The following BBIP1 variants were observed in gnomAD, a reference collection of about 807,000 sequenced individuals.
The protein encoded by BBIP1 is BBSome interacting protein 1.
In BBIP1, 6 loss-of-function variants were observed where a neutral mutation model predicts 8.9. The ratio of observed to expected loss-of-function variants is 0.67; its 90% CI spans 0.37 to 1.33. The LOEUF is 1.33. Among genes scored for constraint, BBIP1 ranks in the 40% most tolerant of loss-of-function variants. The probability of loss-of-function intolerance (pLI) is 0.02; values close to 1 mark genes in which losing one functional copy is unlikely to be tolerated. For synonymous variants in BBIP1, 32 were observed against 33.4 expected, an observed-to-expected ratio of 0.96 and a Z score of 0.14; for missense variants, 111 against 109.2, an observed-to-expected ratio of 1.02 and a Z score of -0.07.
intron 3 of BBIP1, 199 bp downstream of exon 3, chr10:110,901,339 T>C: frequency 1.8e-6 from 1 of 566,696 alleles, no homozygotes; most frequent in Non-Finnish European, 3.2e-6. Flanking sequence ...AATAGGCAAT[T>C]TTAGGTATAA....
chr10:110,900,784 TTG>T (rs1312150704), intron 3 of BBIP1: 1 of 371,738 alleles, frequency 2.7e-6, no homozygotes, highest in African/African-American at 2.1e-5. Context: ...ACACAACTTT[TTG>T]TGTCAGAAGT....
chr10:110,911,288 A>G (rs890589392), intron 2 of BBIP1: 6 of 152,172 alleles, frequency 3.9e-5, no homozygotes, highest in African/African-American at 1.2e-4. Context: ...AAGCAAAAAT[A>G]TTTTAGAATT....
At chr10:110,911,641 T>C (rs1217359470) in intron 2 of BBIP1, 1 of 151,648 alleles carries the variant, frequency 6.6e-6, no homozygotes, top group African/African-American at 2.4e-5. Context: ...AAATTATATA[T>C]TGGGTACACA....
At chr10:110,918,078 CT>C (rs1369677588) in intron 2 of BBIP1, 42 bp downstream of exon 2, 1 of 1,507,728 alleles carries the variant, frequency 6.6e-7, no homozygotes, top group Non-Finnish European at 8.9e-7. Flanking sequence ...AGGTTTGCAT[CT>C]GTATTGTTGA....
chr10:110,913,017 T>C (rs527420025), intron 2 of BBIP1, among the ~76,000 whole-genome samples: 3 of 152,338 alleles, frequency 2.0e-5, no homozygotes, highest in South Asian at 2.1e-4. Flanking sequence ...CAGAAGCTTA[T>C]ACTAGAGTCT....
intron 2 of BBIP1, among the ~76,000 whole-genome samples, chr10:110,908,825 T>C (rs1846205086): frequency 6.7e-6 from 1 of 149,934 alleles, no homozygotes; most frequent in African/African-American, 2.4e-5. Context: ...GAGCAATCTG[T>C]CTGGAAACAA....
At chr10:110,913,336 T>A (rs924288476) in intron 2 of BBIP1, among the ~76,000 whole-genome samples, 2 of 152,256 alleles carry the variant, frequency 1.3e-5, no homozygotes, top group African/African-American at 4.8e-5. Flanking sequence ...ATTTTCATAT[T>A]GCTATAATAA....
chr10:110,910,734 C>G (rs1282235771), intron 2 of BBIP1: 2 of 152,024 alleles, frequency 1.3e-5, no homozygotes, highest in African/African-American at 4.8e-5. Flanking sequence ...GTGGATATAC[C>G]CATATTAATT....
intron 2 of BBIP1, among the ~76,000 whole-genome samples, chr10:110,914,173 T>C (rs190666828): frequency 1.4e-4 from 21 of 152,292 alleles, no homozygotes; most frequent in Admixed American, 2.6e-4. Flanking sequence ...TTAATGGGCA[T>C]TGAGATGCAA....
At chr10:110,901,784 A>G (rs1461177951) in intron 2 of BBIP1, 172 bp from the exon 3 acceptor site, 5 of 591,066 alleles carry the variant, frequency 8.5e-6, no homozygotes, top group African/African-American at 5.6e-5. Flanking sequence ...TTGTATAAGC[A>G]TTTAGATCTT....
intron 2 of BBIP1, chr10:110,904,414 G>T (rs544673133): frequency 6.6e-6 from 1 of 152,330 alleles, no homozygotes; most frequent in East Asian, 1.9e-4. Context: ...GAATGCTGAG[G>T]GGGGTGGTAT....
intron 2 of BBIP1, among the ~76,000 whole-genome samples, chr10:110,905,966 T>A (rs180919572): frequency 6.6e-6 from 1 of 152,024 alleles, no homozygotes; most frequent in Admixed American, 6.6e-5. Context: ...GGACCTCTAT[T>A]TCCAACCCAC....
At chr10:110,900,751 C>A (rs1845975682) in intron 3 of BBIP1, 2 of 452,360 alleles carry the variant, frequency 4.4e-6, no homozygotes, top group South Asian at 7.3e-5. Flanking sequence ...AGCGTTCTAC[C>A]CAAGAATCTA....
chr10:110,910,976 G>C (rs1428453566), intron 2 of BBIP1: 2 of 152,194 alleles, frequency 1.3e-5, no homozygotes, highest in African/African-American at 2.4e-5. Flanking sequence ...TGTGGTGGTT[G>C]AAAGAAGCAG....
chr10:110,903,212 T>C (rs1590748095), intron 2 of BBIP1: 3 of 152,212 alleles, frequency 2.0e-5, no homozygotes, highest in African/African-American at 7.2e-5. Flanking sequence ...AGCTGTTATA[T>C]AGTGTAAGCA....
intron 2 of BBIP1, chr10:110,907,745 A>G (rs1303462857): frequency 1.4e-6 from 1 of 702,432 alleles, no homozygotes. Context: ...ATCCTGGTAT[A>G]AAGGATGGTG....
At chr10:110,907,880 G>A (rs1014576598) in intron 2 of BBIP1, 2 of 651,512 alleles carry the variant, frequency 3.1e-6, no homozygotes, top group African/African-American at 1.8e-5. Context: ...TAGCAGGACT[G>A]TTTAGAAACT....
intron 2 of BBIP1, among the ~76,000 whole-genome samples, chr10:110,909,446 G>T (rs1446407455): frequency 6.6e-6 from 1 of 152,154 alleles, no homozygotes; most frequent in African/African-American, 2.4e-5. Context: ...CACCCGCCTT[G>T]GCCTCCCAAA....
At chr10:110,910,974 T>C (rs528011359) in intron 2 of BBIP1, 1 of 152,206 alleles carries the variant, frequency 6.6e-6, no homozygotes, top group Admixed American at 6.5e-5. Flanking sequence ...AGTGTGGTGG[T>C]TGAAAGAAGC....
Sources: gnomAD v4.1 joint callset for allele counts (sites outside exome capture counted in the v4.1 genomes callset) on GRCh38, gnomAD v4.1.1 for gene constraint, MANE v1.5 for transcripts, NCBI Gene and HGNC (gene_info 2026-07-23, HGNC 2026-07-21) for gene names.